ADARB2: variants seen among roughly 807,000 people sequenced by gnomAD.
The protein encoded by ADARB2 is inactive double-stranded RNA-specific editase B2.
A neutral mutation model predicts 62.2 loss-of-function variants in ADARB2; 25 were observed. The observed-to-expected ratio is 0.40, with a 90% CI of 0.29 to 0.56. The LOEUF (loss-of-function observed/expected upper bound fraction) is 0.56. ADARB2 is among the 20% of genes least tolerant of loss of function. The pLI is 0.43. For synonymous variants in ADARB2, 572 were observed against 500.8 expected, an observed-to-expected ratio of 1.14 and a Z score of -1.90; for missense variants, 1,071 against 1,077.4, an observed-to-expected ratio of 0.99 and a Z score of 0.08.
At chr10:1,475,567 A>T (rs1453264883) in intron 1 of ADARB2, among the ~76,000 whole-genome samples, 2 of 152,200 alleles carry the variant, frequency 1.3e-5, no homozygotes, top group African/African-American at 4.8e-5. Flanking sequence ...TGAAAATTGG[A>T]AGAGAAGGAG....
intron 6 of ADARB2, among the ~76,000 whole-genome samples, chr10:1,228,403 C>T (rs914431153): frequency 6.6e-6 from 1 of 152,232 alleles, no homozygotes; most frequent in African/African-American, 2.4e-5. Flanking sequence ...ATCTTCTGCT[C>T]CATCTGGGCT....
chr10:1,218,466 C>G (rs190552967), intron 6 of ADARB2, among the ~76,000 whole-genome samples: 5 of 152,092 alleles, frequency 3.3e-5, no homozygotes, highest in Non-Finnish European at 5.9e-5. Context: ...CATATGATAA[C>G]GTAAGTGAAT....
chr10:1,461,629 G>A (rs1403526123), intron 1 of ADARB2, among the ~76,000 whole-genome samples: 7 of 151,814 alleles, frequency 4.6e-5, no homozygotes, highest in Admixed American at 4.6e-4. Flanking sequence ...TTACATGATT[G>A]TCCCAATTAA....
chr10:1,359,256 T>C (rs913180067), intron 3 of ADARB2, among the ~76,000 whole-genome samples: 2 of 152,134 alleles, frequency 1.3e-5, no homozygotes, highest in Non-Finnish European at 2.9e-5. Context: ...CTGATACTCA[T>C]GGAGAGGAGA....
intron 1 of ADARB2, among the ~76,000 whole-genome samples, chr10:1,501,532 C>T (rs1161264318): frequency 6.6e-6 from 1 of 152,180 alleles, no homozygotes; most frequent in African/African-American, 2.4e-5. Context: ...TCCCCCACAA[C>T]ATGTACACAA....
At chr10:1,233,914 G>C in intron 5 of ADARB2, 69 bp from the exon 6 acceptor site, 2 of 1,494,340 alleles carry the variant, frequency 1.3e-6, no homozygotes, top group South Asian at 2.6e-5. Context: ...CCAGGTGAAC[G>C]CTTGAGTCCT....
rs373185367 is a variant in ADARB2 at position 1,560,608 on chromosome 10, C to CTCT, written c.100+176442_100+176443insAGA. ...GGGTGGGTTGGATTGGAGAGTTCTC[C>CTCT]AGCAAAGCTGGAGAGTCTGGCAGTC... On this transcript the variant is annotated intron_variant, in intron 1 of 9. Coordinates refer to ENST00000381312, the MANE Select transcript of ADARB2 (RefSeq NM_018702.4). 2.0e-3 allele frequency among the ~76,000 whole-genome samples: 299 copies of CTCT among 151,422 alleles called. 27 individuals carry two copies. Among genetic ancestry groups the CTCT allele is most frequent in the African/African-American group, 6.8e-3 (279 of 41,152 alleles).
intron 1 of ADARB2, among the ~76,000 whole-genome samples, chr10:1,615,427 A>G (rs1244326584): frequency 6.6e-6 from 1 of 152,174 alleles, no homozygotes; most frequent in Non-Finnish European, 1.5e-5. Context: ...ATCGCCAGTT[A>G]CCCACCACCC....
chr10:1,225,100 C>A (rs540783694), intron 6 of ADARB2, among the ~76,000 whole-genome samples: 21 of 152,130 alleles, frequency 1.4e-4, no homozygotes, highest in African/African-American at 4.3e-4. Flanking sequence ...CTGGGTGCTC[C>A]TGTATTGGGT....
intron 7 of ADARB2, among the ~76,000 whole-genome samples, chr10:1,208,680 C>T (rs1201316430): frequency 1.3e-5 from 2 of 152,240 alleles, no homozygotes; most frequent in Admixed American, 6.5e-5. Context: ...TGGTCTTAGC[C>T]ACCAGGCAGC....
intron 1 of ADARB2, among the ~76,000 whole-genome samples, chr10:1,542,793 TCACAG>T (rs1832452711): frequency 8.8e-6 from 1 of 113,254 alleles, no homozygotes; most frequent in Admixed American, 9.4e-5. Flanking sequence ...AGACCCTGGA[TCACAG>T]CCGCCCAGAC....
intron 1 of ADARB2, among the ~76,000 whole-genome samples, chr10:1,671,440 T>C (rs1050003517): frequency 3.9e-5 from 6 of 152,222 alleles, no homozygotes; most frequent in Non-Finnish European, 5.9e-5. Flanking sequence ...AACCTGGAGA[T>C]GTTCGGAAGG....
At chr10:1,407,893 G>A (rs1832720497) in intron 1 of ADARB2, among the ~76,000 whole-genome samples, 1 of 152,218 alleles carries the variant, frequency 6.6e-6, no homozygotes, top group African/African-American at 2.4e-5. Context: ...CAGCAGAAGA[G>A]AGAAGTGAGG....
intron 3 of ADARB2, among the ~76,000 whole-genome samples, chr10:1,324,708 T>C (rs1401053008): frequency 1.3e-5 from 2 of 152,160 alleles, no homozygotes; most frequent in African/African-American, 2.4e-5. Flanking sequence ...AACAGACCAG[T>C]GGCCACCAGA....
chr10:1,675,940 T>G, intron 1 of ADARB2: 14 of 941,546 alleles, frequency 1.5e-5, no homozygotes, highest in Non-Finnish European at 1.8e-5. Flanking sequence ...TTGAATCTGC[T>G]CAGACTTGGA....
chr10:1,490,485 C>G (rs1213866978), intron 1 of ADARB2, among the ~76,000 whole-genome samples: 1 of 152,100 alleles, frequency 6.6e-6, no homozygotes, highest in Non-Finnish European at 1.5e-5. Context: ...GACAGAGTCT[C>G]GCTCTGTGGC....
chr10:1,487,503 C>T (rs1831559391), intron 1 of ADARB2, among the ~76,000 whole-genome samples: 1 of 152,184 alleles, frequency 6.6e-6, no homozygotes. Context: ...CCTGCCCTGA[C>T]CTGCTCCCGG....
At chr10:1,387,388 ACTTCCATGTT>A (rs1478447062) in intron 1 of ADARB2, among the ~76,000 whole-genome samples, 23 of 152,086 alleles carry the variant, frequency 1.5e-4, no homozygotes, top group African/African-American at 5.5e-4. Flanking sequence ...GGAGAAAAAA[ACTTCCATGTT>A]TTCTAATTAG....
chr10:1,693,411 G>A (rs754942461), intron 1 of ADARB2, among the ~76,000 whole-genome samples: 4 of 152,150 alleles, frequency 2.6e-5, no homozygotes, highest in South Asian at 2.1e-4. Flanking sequence ...CACCTGGAGC[G>A]CTGTCATCTT....
Sources: allele counts gnomAD v4.1 joint callset (sites outside exome capture counted in the v4.1 genomes callset), GRCh38; gene constraint gnomAD v4.1.1; transcripts MANE v1.5; gene names NCBI Gene and HGNC (gene_info 2026-07-23, HGNC 2026-07-21).